The following DEPDC1B variants were observed in gnomAD, a reference collection of about 807,000 sequenced individuals.
DEPDC1B encodes DEP domain containing 1B.
A neutral mutation model predicts 66.5 loss-of-function variants in DEPDC1B; 51 were observed. That is an observed-to-expected ratio of 0.77 (90% confidence interval 0.61 to 0.97). DEPDC1B has a LOEUF of 0.97. Among genes scored for constraint, DEPDC1B ranks in the 50% least tolerant of loss-of-function variants. DEPDC1B has a pLI of 0.00. For missense variants in DEPDC1B, 552 were observed against 637.1 expected (o/e 0.87, Z 1.44); for synonymous variants, 226 against 223.6 (o/e 1.01, Z -0.10).
intron 7 of DEPDC1B, among the ~76,000 whole-genome samples, chr5:60,623,783 G>C (rs1752757153): frequency 6.6e-6 from 1 of 151,752 alleles, no homozygotes; most frequent in African/African-American, 2.4e-5. Flanking sequence ...CATGTTTTTT[G>C]GTGTTATTGG....
At chr5:60,646,834 T>C (rs975790168) in intron 3 of DEPDC1B, among the ~76,000 whole-genome samples, 2 of 152,120 alleles carry the variant, frequency 1.3e-5, no homozygotes, top group African/African-American at 4.8e-5. Context: ...CATAGGAGCG[T>C]GAACCCTTTT....
intron 7 of DEPDC1B, among the ~76,000 whole-genome samples, chr5:60,617,859 C>T (rs1415091884): frequency 1.3e-5 from 2 of 152,174 alleles, no homozygotes; most frequent in African/African-American, 4.8e-5. Context: ...CACACCACTC[C>T]TATTCCAAAA....
At chr5:60,622,312 T>C (rs565602476) in intron 7 of DEPDC1B, among the ~76,000 whole-genome samples, 1 of 152,314 alleles carries the variant, frequency 6.6e-6, no homozygotes, top group South Asian at 2.1e-4. Flanking sequence ...GAATTTCATG[T>C]AAATGGAACC....
chr5:60,635,858 T>TA (rs949167651), intron 7 of DEPDC1B, among the ~76,000 whole-genome samples: 38 of 152,216 alleles, frequency 2.5e-4, no homozygotes, highest in African/African-American at 8.7e-4. Context: ...ATTCTCTTTT[T>TA]AAAAACACAG....
At chr5:60,691,323 G>C (rs533424549) in intron 1 of DEPDC1B, among the ~76,000 whole-genome samples, 1 of 151,966 alleles carries the variant, frequency 6.6e-6, no homozygotes, top group Admixed American at 6.6e-5. Context: ...CAAAGTGCTG[G>C]GATTACAGGC....
intron 9 of DEPDC1B, among the ~76,000 whole-genome samples, chr5:60,601,362 G>A (rs1752196464): frequency 6.6e-6 from 1 of 152,198 alleles, no homozygotes; most frequent in African/African-American, 2.4e-5. Flanking sequence ...AAGTGGCAAA[G>A]ATATATACAA....
chr5:60,644,198 C>T (rs983353329), intron 5 of DEPDC1B, among the ~76,000 whole-genome samples: 12 of 152,130 alleles, frequency 7.9e-5, no homozygotes, highest in Non-Finnish European at 1.3e-4. Context: ...AAACCAAAAA[C>T]CATGTTAGGT....
chr5:60,644,632 T>C, intron 5 of DEPDC1B, 113 bp downstream of exon 5: 1 of 827,346 alleles, frequency 1.2e-6, no homozygotes, highest in Non-Finnish European at 1.8e-6. Context: ...AGAATATACG[T>C]AATGAAGGAA....
intron 9 of DEPDC1B, among the ~76,000 whole-genome samples, chr5:60,601,038 G>A (rs1455691456): frequency 6.6e-6 from 1 of 152,132 alleles, no homozygotes. Context: ...CTTTTGCTCG[G>A]TGCTTCTCTC....
intron 2 of DEPDC1B, among the ~76,000 whole-genome samples, chr5:60,671,495 A>C (rs1220354510): frequency 6.6e-6 from 1 of 151,854 alleles, no homozygotes; most frequent in Non-Finnish European, 1.5e-5. Context: ...AAGACCTAAG[A>C]CTCCTCTAAC....
At chr5:60,615,260 T>G (rs193195159) in intron 7 of DEPDC1B, among the ~76,000 whole-genome samples, 222 of 152,152 alleles carry the variant, frequency 1.5e-3, no homozygotes, top group African/African-American at 5.2e-3. Flanking sequence ...CCAACTGACA[T>G]AACGGGTTCA....
intron 2 of DEPDC1B, among the ~76,000 whole-genome samples, chr5:60,658,715 G>A (rs1753635954): frequency 6.6e-6 from 1 of 152,196 alleles, no homozygotes; most frequent in Non-Finnish European, 1.5e-5. Flanking sequence ...GAGGGACAAT[G>A]ATCAGGATAT....
intron 2 of DEPDC1B, among the ~76,000 whole-genome samples, chr5:60,661,149 G>A (rs1753705715): frequency 6.6e-6 from 1 of 152,140 alleles, no homozygotes. Context: ...GGGGCAGCTG[G>A]GTTATGAAAT....
intron 7 of DEPDC1B, among the ~76,000 whole-genome samples, chr5:60,607,348 C>T (rs1401037900): frequency 3.9e-5 from 6 of 152,182 alleles, no homozygotes; most frequent in Admixed American, 6.5e-5. Flanking sequence ...CCTAGACGTA[C>T]TCAGGAATGC....
At chr5:60,677,189 T>C (rs1754180294) in intron 2 of DEPDC1B, among the ~76,000 whole-genome samples, 1 of 152,174 alleles carries the variant, frequency 6.6e-6, no homozygotes. Context: ...AATAGATATG[T>C]CAACCCAATG....
chr5:60,608,428 A>G (rs1752352667), intron 7 of DEPDC1B, among the ~76,000 whole-genome samples: 1 of 148,996 alleles, frequency 6.7e-6, no homozygotes, highest in South Asian at 2.1e-4. Flanking sequence ...CCTATTTATC[A>G]ATAGACTATA....
intron 2 of DEPDC1B, among the ~76,000 whole-genome samples, chr5:60,650,148 C>G (rs987665109): frequency 6.7e-6 from 1 of 149,110 alleles, no homozygotes; most frequent in African/African-American, 2.5e-5. Flanking sequence ...GCCAGGAGTT[C>G]AAGACCAGCC....
intron 2 of DEPDC1B, among the ~76,000 whole-genome samples, chr5:60,668,369 G>C (rs1390511126): frequency 6.7e-6 from 1 of 149,720 alleles, no homozygotes; most frequent in Non-Finnish European, 1.5e-5. Flanking sequence ...CCGCCTCCCA[G>C]GTTCAAGCAA....
intron 2 of DEPDC1B, among the ~76,000 whole-genome samples, chr5:60,658,963 C>T (rs1298248468): frequency 3.3e-5 from 5 of 152,288 alleles, no homozygotes; most frequent in African/African-American, 9.6e-5. Flanking sequence ...TCTGATCCAG[C>T]GAGACACCCA....
Sources: allele counts gnomAD v4.1 joint callset (sites outside exome capture counted in the v4.1 genomes callset), GRCh38; gene constraint gnomAD v4.1.1; transcripts MANE v1.5; gene names NCBI Gene and HGNC (gene_info 2026-07-23, HGNC 2026-07-21).